The following FARP2 variants were observed in gnomAD, a reference collection of about 807,000 sequenced individuals.
FARP2 encodes FERM, ARH/RhoGEF and pleckstrin domain protein 2, also known as FERM, ARHGEF and pleckstrin domain-containing protein 2.
A neutral mutation model predicts 130.5 loss-of-function variants in FARP2; 111 were observed. The ratio of observed to expected loss-of-function variants is 0.85; its 90% CI spans 0.73 to 1.00. FARP2 has a LOEUF of 1.00. FARP2 is among the 50% of genes least tolerant of loss of function. The pLI is 0.00. For synonymous variants in FARP2, 504 were observed against 516.9 expected (o/e 0.98, Z 0.34); for missense variants, 1,385 against 1,346.3 (o/e 1.03, Z -0.45).
chr2:241,481,287 T>G (rs920577180), intron 19 of FARP2, among the ~76,000 whole-genome samples: 2 of 152,202 alleles, frequency 1.3e-5, no homozygotes, highest in African/African-American at 4.8e-5. Flanking sequence ...TTCTATCCCA[T>G]GGTCTATATG....
intron 17 of FARP2, chr2:241,465,505 G>A: frequency 6.4e-7 from 1 of 1,550,612 alleles, no homozygotes; most frequent in Non-Finnish European, 8.7e-7. Flanking sequence ...CACAAAAATG[G>A]AGTAGACTTT....
intron 8 of FARP2, among the ~76,000 whole-genome samples, chr2:241,431,167 T>C (rs1327583802): frequency 6.6e-6 from 1 of 152,206 alleles, no homozygotes; most frequent in Non-Finnish European, 1.5e-5. Flanking sequence ...GATGATAATA[T>C]TGCTCCAGCA....
At chr2:241,387,404 C>T (rs918930448) in intron 2 of FARP2, 3 of 152,136 alleles carry the variant, frequency 2.0e-5, no homozygotes, top group African/African-American at 7.2e-5. Context: ...AACTAATAAA[C>T]GATTTCAGGA....
chr2:241,424,213 CA>C (rs1236323010), intron 8 of FARP2, among the ~76,000 whole-genome samples: 1 of 152,094 alleles, frequency 6.6e-6, no homozygotes, highest in African/African-American at 2.4e-5. Flanking sequence ...TAATCGGAAG[CA>C]AAACACTCCT....
intron 13 of FARP2, 137 bp from the exon 14 acceptor site, chr2:241,456,610 A>G: frequency 1.3e-6 from 1 of 749,380 alleles, no homozygotes; most frequent in Non-Finnish European, 2.3e-6. Flanking sequence ...TAGAGGCTGT[A>G]CATACACATT....
chr2:241,470,986 G>T (rs934982925), intron 18 of FARP2, among the ~76,000 whole-genome samples: 2 of 151,492 alleles, frequency 1.3e-5, no homozygotes, highest in African/African-American at 2.4e-5. Context: ...ATGTTATTCT[G>T]GGGGGGACAC....
At chr2:241,491,802 T>A in intron 24 of FARP2, 123 bp downstream of exon 24, 1 of 893,292 alleles carries the variant, frequency 1.1e-6, no homozygotes, top group Non-Finnish European at 1.6e-6. Context: ...GAGGACTGCC[T>A]CTTACTCTCC....
intron 2 of FARP2, chr2:241,396,091 C>T (rs2062021329): frequency 6.6e-6 from 1 of 152,046 alleles, no homozygotes; most frequent in Non-Finnish European, 1.5e-5. Context: ...GGAAAGGATT[C>T]CCTGTTTAAT....
intron 23 of FARP2, 31 bp downstream of exon 23, chr2:241,491,210 C>A: frequency 6.7e-7 from 1 of 1,486,080 alleles, no homozygotes; most frequent in Non-Finnish European, 9.4e-7. Flanking sequence ...CCCAGGAGAC[C>A]TCCACTACAC....
chr2:241,424,745 C>T (rs2062888989), intron 8 of FARP2, among the ~76,000 whole-genome samples: 1 of 152,020 alleles, frequency 6.6e-6, no homozygotes, highest in Non-Finnish European at 1.5e-5. Context: ...ATCAAATGAA[C>T]AATCTGAAAT....
In FARP2 at chr2:241,437,670, A is replaced by ATTTATTTAT. The variant is rs1553723709; in HGVS notation, c.1158+1135_1158+1136insATTTATTTT. ...TATATATTTATTTATTTATTTATTT[A>ATTTATTTAT]TTTTTTTTTTTTGAGACGGAGTCTT... On this transcript the variant is annotated intron_variant, in intron 12 of 26. Transcript: ENST00000264042. Among the ~76,000 whole-genome samples, 298 of 133,114 alleles carry ATTTATTTAT rather than the reference A, an allele frequency of 2.2e-3. 6 individuals carry two copies. The South Asian group carries it at 0.036, about 16-fold the overall frequency. The allele number at this position is 133,114 out of a possible 152,430, so 87.3% of individuals were successfully genotyped here. A position where few individuals can be genotyped will look rare whatever the true frequency, so the allele number is the denominator to read the frequency against.
intron 8 of FARP2, among the ~76,000 whole-genome samples, chr2:241,429,945 G>A (rs2063050825): frequency 6.6e-6 from 1 of 152,098 alleles, no homozygotes; most frequent in African/African-American, 2.4e-5. Context: ...GTATTTTGTG[G>A]AGCGATACTT....
In FARP2 at chr2:241,491,553, AGAT is replaced by A. The variant is rs1559817674; in HGVS notation, c.2666_2668del (p.Asp889del). On this transcript the variant is annotated inframe_deletion, in exon 24 of 27. Coordinates refer to ENST00000264042, the MANE Select transcript of FARP2 (RefSeq NM_014808.4). ...AGGTATCTCTGGAGCAGGAGTCAGA[AGAT>A]GATGCTCGGGGTGTCCGCAGCTCCC... The A allele has an allele frequency of 2.5e-6, 4 of 1,613,768 alleles. No homozygotes were observed. In the Admixed American group the frequency reaches 5.0e-5, roughly 20 times the overall value.
At chr2:241,406,086 A>G (rs186121675) in intron 4 of FARP2, among the ~76,000 whole-genome samples, 7 of 151,966 alleles carry the variant, frequency 4.6e-5, no homozygotes, top group Admixed American at 2.0e-4. Flanking sequence ...GGCAGATCAC[A>G]AGGTCAGGAG....
chr2:241,373,094 A>T lies in FARP2; in HGVS notation c.-14A>T. Reference sequence around the variant, plus strand: ...TTTTTTTCATTTTAGTGTTTTCTTCACTCATGGTGAAGAATGGGGGAGATA... The same window carrying T: ...TTTTTTTCATTTTAGTGTTTTCTTCTCTCATGGTGAAGAATGGGGGAGATA... On this transcript the variant is annotated 5_prime_UTR_variant, in exon 2 of 27. Transcript: ENST00000264042. 7.5e-7 allele frequency: 1 copy of T among 1,330,216 alleles called. No homozygotes were observed. 82.4% of individuals were successfully genotyped at this position (1,330,216 alleles called of 1,614,324 possible). A position where few individuals can be genotyped will look rare whatever the true frequency, so the allele number is the denominator to read the frequency against.
intron 8 of FARP2, among the ~76,000 whole-genome samples, chr2:241,420,595 A>G (rs1355373271): frequency 6.6e-6 from 1 of 152,164 alleles, no homozygotes. Flanking sequence ...ACAAATGGAG[A>G]ACATAAAAAC....
intron 2 of FARP2, among the ~76,000 whole-genome samples, chr2:241,386,252 T>C (rs1393233535): frequency 6.6e-6 from 1 of 152,080 alleles, no homozygotes; most frequent in African/African-American, 2.4e-5. Context: ...TTAAAAAATA[T>C]ATATTTTTTA....
rs1193424751 is a variant in FARP2, at chr2:241,391,129, GAAGA to G, written c.184-12691_184-12688del. 2.0e-5 allele frequency among the ~76,000 whole-genome samples: 3 copies of G among 152,332 alleles called. No individual in the cohort carries two copies. The East Asian group carries it at 5.8e-4, about 29-fold the overall frequency. ...TGCTGGAACTCTTTTGGTTGATGAA[GAAGA>G]AAGAAAGGAATTGCTTAAGAGCTTG... On this transcript the variant is annotated intron_variant, in intron 2 of 26. Coordinates refer to ENST00000264042, the MANE Select transcript of FARP2 (RefSeq NM_014808.4).
At chr2:241,390,962 C>T (rs912366688) in intron 2 of FARP2, among the ~76,000 whole-genome samples, 1 of 152,190 alleles carries the variant, frequency 6.6e-6, no homozygotes, top group Non-Finnish European at 1.5e-5. Flanking sequence ...AGGCAGGCTT[C>T]CCTTCTGAAA....
Sources: gnomAD v4.1 joint callset for allele counts (sites outside exome capture counted in the v4.1 genomes callset) on GRCh38, gnomAD v4.1.1 for gene constraint, MANE v1.5 for transcripts, NCBI Gene and HGNC (gene_info 2026-07-23, HGNC 2026-07-21) for gene names.